Variants in TSN observed in about 807,000 individuals in gnomAD.
TSN encodes the protein component 3 of promoter of RISC.
Under a neutral mutation model 29.4 loss-of-function variants are expected in TSN, and 5 were observed. The observed-to-expected ratio is 0.17, with a 90% CI of 0.09 to 0.36. The LOEUF (loss-of-function observed/expected upper bound fraction) is 0.36. TSN is among the 10% of genes least tolerant of loss of function. TSN has a pLI of 1.00. For synonymous variants in TSN, 106 were observed against 102.2 expected, an observed-to-expected ratio of 1.04 and a Z score of -0.23; for missense variants, 159 against 272.8, an observed-to-expected ratio of 0.58 and a Z score of 2.94.
chr2:121,755,889 A>C, intron 1 of TSN, 44 bp downstream of exon 1: 3 of 1,611,890 alleles, frequency 1.9e-6, no homozygotes, highest in South Asian at 2.2e-5. Context: ...TTCCATGCCT[A>C]GTTGGGCCAC....
intron 3 of TSN, among the ~76,000 whole-genome samples, chr2:121,760,808 T>A (rs1237673052): frequency 6.6e-6 from 1 of 152,112 alleles, no homozygotes; most frequent in Non-Finnish European, 1.5e-5. Context: ...CTGTTCTTAC[T>A]GATTAAATTT....
chr2:121,755,890 G>T, intron 1 of TSN, 45 bp downstream of exon 1: 1 of 1,612,294 alleles, frequency 6.2e-7, no homozygotes, highest in Non-Finnish European at 8.5e-7. Flanking sequence ...TCCATGCCTA[G>T]TTGGGCCACT....
intron 4 of TSN, among the ~76,000 whole-genome samples, 164 bp downstream of exon 4, chr2:121,761,688 T>C (rs188997252): frequency 4.7e-4 from 72 of 152,350 alleles, no homozygotes; most frequent in African/African-American, 1.7e-3. Context: ...GCTCTTCCAA[T>C]ACCCAAATCT....
chr2:121,762,206 A>G (rs1356704652), intron 4 of TSN, among the ~76,000 whole-genome samples: 1 of 151,998 alleles, frequency 6.6e-6, no homozygotes. Flanking sequence ...TGGTCGGGCT[A>G]GTCTTGAACT....
chr2:121,762,033 C>T (rs2074837938), intron 4 of TSN, among the ~76,000 whole-genome samples: 1 of 150,964 alleles, frequency 6.6e-6, no homozygotes, highest in Non-Finnish European at 1.5e-5. Context: ...GCTCTTGTTG[C>T]CCAGGCTGTA....
rs535459721 is a variant in TSN, at chr2:121,760,172, A to G, written c.258-1237A>G. Among the ~76,000 whole-genome samples, 5 of 152,320 alleles carry G rather than the reference A, an allele frequency of 3.3e-5. 1 individual carries two copies. The South Asian group carries it at 1.0e-3, about 32-fold the overall frequency. Reference sequence around the variant, plus strand: ...TACTGCCTGAGCTCCACCTCCTGTCAGATTGGTGGCAGCATTCGATTCTCA... The same window carrying G: ...TACTGCCTGAGCTCCACCTCCTGTCGGATTGGTGGCAGCATTCGATTCTCA... On this transcript the variant is annotated intron_variant, in intron 3 of 5. Transcript: ENST00000389682.
Position 121,755,810 on chromosome 2 carries a change from C to T in TSN, c.31C>T (p.Gln11Ter). The part of the protein sequence containing the change: MSVSEIFVEL[Q>*]GFLAAEQDIR... ...TGTGAGCGAGATCTTCGTGGAGCTG[C>T]AGGGCTTTTTGGCTGCCGAGCAGGA... is the stretch of plus-strand genomic sequence containing the variant. The change falls in exon 1 of 6, where the codon CAG becomes TAG. Residue 11 changes from glutamine to a stop codon, truncating the protein, a stop_gained. Coordinates refer to ENST00000389682, the MANE Select transcript of TSN (RefSeq NM_004622.3). LOFTEE classifies it high-confidence loss of function. 6.2e-7 allele frequency: 1 copy of T among 1,614,138 alleles called. No individual in the cohort carries two copies. Among genetic ancestry groups the T allele is most frequent in the Non-Finnish European group, 8.5e-7 (1 of 1,180,044 alleles).
chr2:121,762,886 C>A, intron 4 of TSN, 119 bp from the exon 5 acceptor site: 1 of 928,370 alleles, frequency 1.1e-6, no homozygotes, highest in Non-Finnish European at 1.5e-6. Flanking sequence ...TATTAAAAAG[C>A]CAGTTTTTAA....
chr2:121,757,075 C>G (rs1232116325), intron 1 of TSN, among the ~76,000 whole-genome samples, 165 bp from the exon 2 acceptor site: 1 of 152,136 alleles, frequency 6.6e-6, no homozygotes, highest in Non-Finnish European at 1.5e-5. Context: ...TCTGAGGAAT[C>G]TAAGGCTTTT....
At chr2:121,762,243 C>T (rs2074841903) in intron 4 of TSN, among the ~76,000 whole-genome samples, 1 of 152,142 alleles carries the variant, frequency 6.6e-6, no homozygotes, top group Admixed American at 6.6e-5. Context: ...CCGCCTGCCT[C>T]AGCCTCCCAA....
chr2:121,757,908 C>G (rs999384251), intron 2 of TSN, among the ~76,000 whole-genome samples: 1 of 151,912 alleles, frequency 6.6e-6, no homozygotes, highest in African/African-American at 2.4e-5. Context: ...TCAGATGATC[C>G]GCCTGGCTGG....
At position 121,765,615 on chromosome 2, in the gene TSN, C is replaced by T. The variant is rs1029907321; in HGVS notation, c.*248C>T. The T allele has an allele frequency of 1.9e-6, 1 of 517,718 alleles. No individual in the cohort carries two copies. The highest frequency in any genetic ancestry group is 2.5e-5 in the South Asian group (1 of 40,672). The allele number at this position is 517,718 out of a possible 1,614,324, so 32.1% of individuals were successfully genotyped here. A position where few individuals can be genotyped will look rare whatever the true frequency, so the allele number is the denominator to read the frequency against. On this transcript the variant is annotated 3_prime_UTR_variant, in exon 6 of 6. Coordinates refer to ENST00000389682, the MANE Select transcript of TSN (RefSeq NM_004622.3). The stretch of plus-strand genomic sequence containing the variant: ...GTAATTCAGTGTATTTCAGTTCCGT[C>T]AGAAAGTGTAAATGTTAGTTTCTTG...
chr2:121,761,645 T>C, intron 4 of TSN, 121 bp downstream of exon 4: 1 of 737,422 alleles, frequency 1.4e-6, no homozygotes, highest in Middle Eastern at 2.5e-4. Context: ...CACTTATAGT[T>C]GTAGCTTGGT....
In TSN at chr2:121,764,312, A is replaced by G. The variant is rs144797027; in HGVS notation, c.454-822A>G. On this transcript the variant is annotated intron_variant, in intron 5 of 5. Transcript: ENST00000389682. ...TTAAGTGTAAGGTGTCTTTAGGACCATACATGTTGGGGCCGGGCACAGTCG... is the reference window on the plus strand; with the variant it reads ...TTAAGTGTAAGGTGTCTTTAGGACCGTACATGTTGGGGCCGGGCACAGTCG... 1.5e-3 allele frequency among the ~76,000 whole-genome samples: 231 copies of G among 152,224 alleles called. 1 individual carries two copies. The East Asian group carries it at 0.025, about 17-fold the overall frequency.
intron 3 of TSN, among the ~76,000 whole-genome samples, chr2:121,759,012 T>C (rs933773921): frequency 5.3e-5 from 8 of 152,204 alleles, no homozygotes; most frequent in Non-Finnish European, 1.2e-4. Context: ...GGAACATGTA[T>C]TACTTTTGCA....
chr2:121,763,181 C>T (rs548366987), intron 5 of TSN, 97 bp downstream of exon 5: 20 of 901,096 alleles, frequency 2.2e-5, no homozygotes, highest in Admixed American at 1.6e-4. Flanking sequence ...CCCGCTCTGT[C>T]GCCTAGGCTG....
intron 1 of TSN, chr2:121,756,088 C>T (rs2074742984): frequency 5.4e-6 from 4 of 747,176 alleles, no homozygotes; most frequent in Non-Finnish European, 8.3e-6. Flanking sequence ...AGTTTTCCTT[C>T]TTTTCAGCAC....
intron 5 of TSN, 95 bp from the exon 6 acceptor site, chr2:121,765,039 C>T (rs956689522): frequency 8.7e-7 from 1 of 1,150,478 alleles, no homozygotes; most frequent in South Asian, 1.3e-5. Context: ...GCGTGGCTGT[C>T]TAGGCTTGCG....
chr2:121,760,871 C>CTTTTTTTTTTTTTT (rs187719044), intron 3 of TSN, among the ~76,000 whole-genome samples: 1 of 132,864 alleles, frequency 7.5e-6, no homozygotes, highest in Non-Finnish European at 1.6e-5. Flanking sequence ...TTTTTTCTGT[C>CTTTTTTTTTTTTTT]TTTTTTTTTT....
Sources: allele counts gnomAD v4.1 joint callset (sites outside exome capture counted in the v4.1 genomes callset), GRCh38; gene constraint gnomAD v4.1.1; transcripts MANE v1.5; gene names NCBI Gene and HGNC (gene_info 2026-07-23, HGNC 2026-07-21).